The following FOXP2 variants were observed in gnomAD, a reference collection of about 807,000 sequenced individuals.
FOXP2 encodes forkhead box P2.
A neutral mutation model predicts 115.8 loss-of-function variants in FOXP2; 12 were observed. The observed-to-expected ratio is 0.10, with a 90% confidence interval of 0.07 to 0.17. The LOEUF (loss-of-function observed/expected upper bound fraction) is 0.17. Among genes scored for constraint, FOXP2 ranks in the 10% least tolerant of loss-of-function variants. FOXP2 has a pLI of 1.00. For synonymous variants in FOXP2, 328 were observed against 297.7 expected, an observed-to-expected ratio of 1.10 and a Z score of -1.05; for missense variants, 629 against 843.5, an observed-to-expected ratio of 0.75 and a Z score of 3.15.
intron 9 of FOXP2, chr7:114,653,498 A>C: frequency 3.7e-6 from 1 of 267,558 alleles, no homozygotes; most frequent in Non-Finnish European, 7.4e-6. Flanking sequence ...CCTCAGTGGG[A>C]ATGCATGAAG....
intron 2 of FOXP2, among the ~76,000 whole-genome samples, chr7:114,492,320 C>T (rs143606625): frequency 0.025 from 3,847 of 151,838 alleles, 80 homozygotes; most frequent in Middle Eastern, 0.048. Context: ...TTATTAGTCT[C>T]GCTAGCGGTC....
At chr7:114,199,284 A>T (rs1297244378) in intron 1 of FOXP2, among the ~76,000 whole-genome samples, 1 of 152,236 alleles carries the variant, frequency 6.6e-6, no homozygotes, top group Non-Finnish European at 1.5e-5. Flanking sequence ...TTTGACACAT[A>T]AAATTAACTA....
At chr7:114,584,136 G>C (rs1802006599) in intron 3 of FOXP2, among the ~76,000 whole-genome samples, 2 of 152,066 alleles carry the variant, frequency 1.3e-5, no homozygotes, top group African/African-American at 4.8e-5. Flanking sequence ...GTAAATGATT[G>C]AGTCAAGATC....
chr7:114,423,297 A>C (rs1793697052), intron 1 of FOXP2, among the ~76,000 whole-genome samples: 1 of 151,710 alleles, frequency 6.6e-6, no homozygotes. Context: ...TTGTGCAGTC[A>C]GTTCCAGTGT....
chr7:114,506,850 A>G (rs1255539586), intron 2 of FOXP2, among the ~76,000 whole-genome samples: 2 of 151,778 alleles, frequency 1.3e-5, no homozygotes, highest in African/African-American at 4.8e-5. Context: ...GGAACATTGA[A>G]TGTAAGAAAA....
chr7:114,558,343 G>T (rs1378436359), intron 3 of FOXP2, among the ~76,000 whole-genome samples: 1 of 152,084 alleles, frequency 6.6e-6, no homozygotes, highest in African/African-American at 2.4e-5. Context: ...ACACTAATAG[G>T]ACTCCAGATA....
At chr7:114,377,876 C>T (rs1215580911) in intron 2 of FOXP2, among the ~76,000 whole-genome samples, 1 of 152,134 alleles carries the variant, frequency 6.6e-6, no homozygotes, top group African/African-American at 2.4e-5. Flanking sequence ...CACTTTATTC[C>T]ACACATCAAC....
chr7:114,404,113 G>A (rs536807807), intron 2 of FOXP2, among the ~76,000 whole-genome samples: 1 of 152,266 alleles, frequency 6.6e-6, no homozygotes, highest in African/African-American at 2.4e-5. Context: ...AGCACAGGTA[G>A]AGGTGCAATT....
At chr7:114,628,432 T>C in intron 3 of FOXP2, 108 bp from the exon 4 acceptor site, 1 of 1,424,518 alleles carries the variant, frequency 7.0e-7, no homozygotes. Flanking sequence ...AAATTATTGA[T>C]CATCAATGCT....
intron 1 of FOXP2, among the ~76,000 whole-genome samples, chr7:114,419,503 C>T (rs1793501729): frequency 6.6e-6 from 1 of 151,872 alleles, no homozygotes; most frequent in Non-Finnish European, 1.5e-5. Flanking sequence ...AATTACCCTA[C>T]ATCCCTCACA....
At chr7:114,530,667 A>C (rs139884056) in intron 2 of FOXP2, among the ~76,000 whole-genome samples, 6 of 152,048 alleles carry the variant, frequency 3.9e-5, no homozygotes, top group African/African-American at 1.4e-4. Flanking sequence ...TTTATCTGGC[A>C]GGTTACAAAG....
At chr7:114,458,797 C>A (rs1382632192) in intron 2 of FOXP2, among the ~76,000 whole-genome samples, 1 of 152,044 alleles carries the variant, frequency 6.6e-6, no homozygotes, top group Non-Finnish European at 1.5e-5. Context: ...TTGACTCTTC[C>A]AAAGGTTCAA....
chr7:114,380,638 G>T (rs769899858), intron 2 of FOXP2, among the ~76,000 whole-genome samples: 1 of 152,198 alleles, frequency 6.6e-6, no homozygotes, highest in Non-Finnish European at 1.5e-5. Flanking sequence ...GTGTGCAGTC[G>T]CAGCACTGGC....
At chr7:114,253,567 G>C (rs111952648) in intron 1 of FOXP2, among the ~76,000 whole-genome samples, 2,409 of 152,140 alleles carry the variant, frequency 0.016, 31 homozygotes, top group African/African-American at 0.029. Context: ...TGTCTCTTTT[G>C]ATCTTTGTTG....
At chr7:114,389,255 A>C (rs1254327018) in intron 2 of FOXP2, among the ~76,000 whole-genome samples, 1 of 152,210 alleles carries the variant, frequency 6.6e-6, no homozygotes, top group Non-Finnish European at 1.5e-5. Context: ...ACAATATGAC[A>C]CATTGTGCAG....
intron 1 of FOXP2, among the ~76,000 whole-genome samples, chr7:114,255,686 T>G (rs1324314188): frequency 6.6e-6 from 1 of 152,140 alleles, no homozygotes; most frequent in Non-Finnish European, 1.5e-5. Context: ...CCAGGTGCCA[T>G]CTGTCACAGC....
chr7:114,389,951 G>T (rs1792546758), intron 2 of FOXP2, among the ~76,000 whole-genome samples: 1 of 149,212 alleles, frequency 6.7e-6, no homozygotes, highest in African/African-American at 2.5e-5. Flanking sequence ...TTGAACCTGG[G>T]AGGCGGAGGT....
chr7:114,262,530 G>A (rs1194324), intron 1 of FOXP2, among the ~76,000 whole-genome samples: 84,524 of 151,982 alleles, frequency 0.56, 26,411 homozygotes, highest in Admixed American at 0.74. Flanking sequence ...TCTAAAATAA[G>A]AGATTTTTTT....
chr7:114,472,617 G>T (rs1796100165), intron 2 of FOXP2, among the ~76,000 whole-genome samples: 1 of 151,976 alleles, frequency 6.6e-6, no homozygotes, highest in South Asian at 2.1e-4. Flanking sequence ...CAGAGTGCTG[G>T]GTTTACAAAC....
Sources: allele counts gnomAD v4.1 joint callset (sites outside exome capture counted in the v4.1 genomes callset), GRCh38; gene constraint gnomAD v4.1.1; transcripts MANE v1.5; gene names NCBI Gene and HGNC (gene_info 2026-07-23, HGNC 2026-07-21).